SCN3A: variants seen among roughly 807,000 people sequenced by gnomAD.
SCN3A encodes the protein sodium channel protein type 3 subunit alpha.
Under a neutral mutation model 187.6 loss-of-function variants are expected in SCN3A, and 60 were observed. The observed-to-expected ratio is 0.32, with a 90% CI of 0.26 to 0.40. SCN3A has a LOEUF of 0.40. Among genes scored for constraint, SCN3A ranks in the 10% least tolerant of loss-of-function variants. The pLI is 1.00. For missense variants in SCN3A, 1,601 were observed against 2,428.2 expected, an observed-to-expected ratio of 0.66 and a Z score of 7.16; for synonymous variants, 788 against 829.2, an observed-to-expected ratio of 0.95 and a Z score of 0.85.
intron 1 of SCN3A, among the ~76,000 whole-genome samples, chr2:165,190,201 G>A (rs1227478048): frequency 6.6e-6 from 1 of 152,170 alleles, no homozygotes; most frequent in East Asian, 1.9e-4. Flanking sequence ...GTGAAATATT[G>A]AAATGTTGTC....
At chr2:165,184,517 C>G (rs1433334405) in intron 2 of SCN3A, among the ~76,000 whole-genome samples, 2 of 146,122 alleles carry the variant, frequency 1.4e-5, no homozygotes, top group Non-Finnish European at 3.0e-5. Flanking sequence ...AAAAAAAAGC[C>G]TAGGTACCTA....
chr2:165,101,117 C>T (rs1013213097), intron 21 of SCN3A, among the ~76,000 whole-genome samples: 6 of 152,122 alleles, frequency 3.9e-5, no homozygotes, highest in East Asian at 1.9e-4. Context: ...AAATCTAAAA[C>T]GCTTTGAATG....
At chr2:165,158,299 G>T (rs1477057701) in intron 9 of SCN3A, among the ~76,000 whole-genome samples, 1 of 123,236 alleles carries the variant, frequency 8.1e-6, no homozygotes, top group Non-Finnish European at 1.6e-5. Flanking sequence ...ACTTAGGTTA[G>T]CATGTTATTA....
In SCN3A at chr2:165,088,001, C is replaced by T. The variant is rs2105607681; in HGVS notation, c.*2149G>A. On this transcript the variant is annotated 3_prime_UTR_variant, in exon 28 of 28. Coordinates refer to ENST00000283254, the MANE Select transcript of SCN3A (RefSeq NM_006922.4). ...CTGTAGTACTGCTTGGTGAATCATG[C>T]ACTAGTTTGTTGTAAAATTCATGTA... 6.6e-6 allele frequency: 1 copy of T among 152,182 alleles called. No homozygotes were observed. Among genetic ancestry groups the T allele is most frequent in the East Asian group, 1.9e-4 (1 of 5,182 alleles). 9.4% of individuals were successfully genotyped at this position (152,182 alleles called of 1,614,324 possible).
chr2:165,155,652 G>A (rs1003784392), intron 10 of SCN3A, 110 bp downstream of exon 10: 3 of 1,234,800 alleles, frequency 2.4e-6, no homozygotes, highest in Non-Finnish European at 3.5e-6. Flanking sequence ...ATCCGCCTCT[G>A]CCTCCCAAAG....
intron 22 of SCN3A, among the ~76,000 whole-genome samples, chr2:165,098,074 T>C (rs926472235): frequency 2.6e-5 from 4 of 152,216 alleles, no homozygotes; most frequent in African/African-American, 9.6e-5. Context: ...AAAAGGTTTA[T>C]TAAGTTAGGG....
chr2:165,147,282 T>TG (rs1688409947), intron 11 of SCN3A, among the ~76,000 whole-genome samples: 1 of 88,420 alleles, frequency 1.1e-5, no homozygotes, highest in Non-Finnish European at 2.5e-5. Context: ...TGTCTTTTTT[T>TG]TGGGGGGGGG....
rs1688360581 is a variant in SCN3A at position 165,146,768 on chromosome 2, T to C, written c.1642A>G (p.Ser548Gly). Residue 548 changes from serine (S) to glycine (G), a missense_variant, in exon 12 of 28, where the codon AGT becomes GGT. Around this residue, in one of 11 missense-constraint regions of SCN3A, gnomAD observed 376 missense variants for 476.0 expected, o/e 0.79. Coordinates refer to ENST00000283254, the MANE Select transcript of SCN3A (RefSeq NM_006922.4). ...LFSMDGNRLTSDKKFCSPHQS... is the reference protein window; with the variant it reads ...LFSMDGNRLTGDKKFCSPHQS... ...TGAGGGGAGCAGAATTTTTTGTCACTGGTCAGTCTGTTTCCATCCATGGAG... is the reference window on the plus strand; with the variant it reads ...TGAGGGGAGCAGAATTTTTTGTCACCGGTCAGTCTGTTTCCATCCATGGAG... 6.2e-7 allele frequency: 1 copy of C among 1,614,056 alleles called. No homozygotes were observed. Among genetic ancestry groups the C allele is most frequent in the African/African-American group, 1.3e-5 (1 of 75,052 alleles).
chr2:165,120,280 T>G (rs1282540273), intron 18 of SCN3A, among the ~76,000 whole-genome samples: 2 of 151,942 alleles, frequency 1.3e-5, no homozygotes, highest in Admixed American at 1.3e-4. Flanking sequence ...AGGAATGGGT[T>G]ATTTCAACAT....
chr2:165,089,936 A>AT lies in SCN3A; in HGVS notation c.*213dup. 4.8e-6 allele frequency: 3 copies of AT among 620,110 alleles called. No homozygotes were observed. Among genetic ancestry groups the AT allele is most frequent in the South Asian group, 4.1e-5 (2 of 48,810 alleles). The allele number at this position is 620,110 out of a possible 1,614,324, so 38.4% of individuals were successfully genotyped here. A position where few individuals can be genotyped will look rare whatever the true frequency, so the allele number is the denominator to read the frequency against. Reference sequence around the variant, plus strand: ...TTCTCCTCAGCAGTGTCAGCTGGTAATAAAAACAGCAACCTCTTGTCAATG... The same window carrying AT: ...TTCTCCTCAGCAGTGTCAGCTGGTAATTAAAAACAGCAACCTCTTGTCAATG... On this transcript the variant is annotated 3_prime_UTR_variant, in exon 28 of 28. Coordinates refer to ENST00000283254, the MANE Select transcript of SCN3A (RefSeq NM_006922.4).
At chr2:165,100,670 A>G (rs1025931168) in intron 21 of SCN3A, among the ~76,000 whole-genome samples, 2 of 152,148 alleles carry the variant, frequency 1.3e-5, no homozygotes, top group African/African-American at 4.8e-5. Flanking sequence ...CCAGTTAGAT[A>G]TTTTATACCA....
intron 18 of SCN3A, among the ~76,000 whole-genome samples, chr2:165,124,101 G>A (rs1686849526): frequency 6.6e-6 from 1 of 151,784 alleles, no homozygotes; most frequent in South Asian, 2.1e-4. Context: ...TTTACATTTT[G>A]TAATTGAAAT....
intron 1 of SCN3A, chr2:165,195,152 G>T (rs1691867881): frequency 2.0e-5 from 3 of 152,138 alleles, no homozygotes; most frequent in African/African-American, 7.2e-5. Context: ...AACTGCTGAA[G>T]ACTGGCGTGG....
At chr2:165,177,700 G>C (rs1690552288) in intron 2 of SCN3A, among the ~76,000 whole-genome samples, 1 of 152,078 alleles carries the variant, frequency 6.6e-6, no homozygotes, top group South Asian at 2.1e-4. Flanking sequence ...CTGATGGAGT[G>C]GCCCTGCTCA....
chr2:165,192,705 C>A (rs2105973491), intron 1 of SCN3A, among the ~76,000 whole-genome samples: 1 of 152,250 alleles, frequency 6.6e-6, no homozygotes, highest in Middle Eastern at 3.4e-3. Context: ...TCATTGACCA[C>A]CAACTGTCAC....
intron 1 of SCN3A, among the ~76,000 whole-genome samples, chr2:165,199,126 CAGG>C (rs907548149): frequency 1.3e-4 from 20 of 152,098 alleles, no homozygotes; most frequent in Admixed American, 1.2e-3. Context: ...TTCTGAAAAT[CAGG>C]AGATTAAAAT....
intron 1 of SCN3A, among the ~76,000 whole-genome samples, chr2:165,200,984 AT>A (rs1204424362): frequency 6.6e-6 from 1 of 152,090 alleles, no homozygotes; most frequent in African/African-American, 2.4e-5. Context: ...CTTTCCTGAG[AT>A]TTAGGTTCAG....
intron 18 of SCN3A, among the ~76,000 whole-genome samples, chr2:165,123,811 A>G (rs908379252): frequency 5.9e-5 from 9 of 152,158 alleles, no homozygotes; most frequent in African/African-American, 1.9e-4. Context: ...AACTCATTTA[A>G]TCTGCTCTAT....
chr2:165,145,032 A>G (rs1688235792), intron 12 of SCN3A, among the ~76,000 whole-genome samples: 1 of 152,158 alleles, frequency 6.6e-6, no homozygotes, highest in South Asian at 2.1e-4. Flanking sequence ...AAATTCATTC[A>G]CCGATTTTAA....
Sources: gnomAD v4.1 joint callset for allele counts (sites outside exome capture counted in the v4.1 genomes callset) on GRCh38, gnomAD v4.1.1 for gene constraint, gnomAD v4.1.1 regional missense constraint, MANE v1.5 for transcripts, NCBI Gene and HGNC (gene_info 2026-07-23, HGNC 2026-07-21) for gene names.